HK1: variants seen among roughly 807,000 people sequenced by gnomAD.
HK1 encodes the protein hexokinase-1.
In HK1, 28 loss-of-function variants were observed where a neutral mutation model predicts 91.6. That is an observed-to-expected ratio of 0.31 (90% confidence interval 0.23 to 0.42). The LOEUF (loss-of-function observed/expected upper bound fraction) is 0.42, where lower values mean the gene tolerates loss of function less well. Ranked by LOEUF, HK1 falls within the 10% of genes least tolerant of loss-of-function variation. HK1 has a pLI of 1.00. For synonymous variants in HK1, 430 were observed against 468.1 expected, an observed-to-expected ratio of 0.92 and a Z score of 1.05; for missense variants, 770 against 1,219.8, an observed-to-expected ratio of 0.63 and a Z score of 5.49.
chr10:69,393,169 C>T (rs775833943), intron 15 of HK1, among the ~76,000 whole-genome samples: 20 of 151,722 alleles, frequency 1.3e-4, no homozygotes, highest in Non-Finnish European at 2.8e-4. Context: ...TTAGTAGAGA[C>T]GGGGTTTCTC....
At chr10:69,384,549 G>T in intron 11 of HK1, 68 bp downstream of exon 11, 1 of 1,601,826 alleles carries the variant, frequency 6.2e-7, no homozygotes, top group South Asian at 1.1e-5. Context: ...GTCACGTGAT[G>T]ACCAAAATCC....
At chr10:69,282,279 C>A (rs1286894016) in intron 1 of HK1, among the ~76,000 whole-genome samples, 1 of 152,154 alleles carries the variant, frequency 6.6e-6, no homozygotes, top group East Asian at 1.9e-4. Flanking sequence ...GTCCTCCTCA[C>A]CATTGTCACC....
At chr10:69,325,643 A>C (rs955969771) in intron 1 of HK1, among the ~76,000 whole-genome samples, 1 of 149,902 alleles carries the variant, frequency 6.7e-6, no homozygotes, top group Non-Finnish European at 1.5e-5. Flanking sequence ...CTTCTGCCTC[A>C]GTGCCCCCCC....
At chr10:69,278,954 A>T (rs1218727075) in intron 1 of HK1, among the ~76,000 whole-genome samples, 1 of 152,156 alleles carries the variant, frequency 6.6e-6, no homozygotes, top group African/African-American at 2.4e-5. Context: ...GAGTGTAGAG[A>T]AGCTGTGATT....
chr10:69,350,435 G>A (rs1848786542), intron 2 of HK1, among the ~76,000 whole-genome samples: 1 of 152,146 alleles, frequency 6.6e-6, no homozygotes, highest in Non-Finnish European at 1.5e-5. Flanking sequence ...GGCCGAGGTG[G>A]GCGGATCACA....
chr10:69,291,188 A>G (rs1221717896), intron 3 of HK1, among the ~76,000 whole-genome samples: 2 of 152,230 alleles, frequency 1.3e-5, no homozygotes, highest in Non-Finnish European at 2.9e-5. Context: ...GAGGTGGCAC[A>G]AAGCAGCCAG....
intron 13 of HK1, 30 bp downstream of exon 13, chr10:69,386,448 CTT>C (rs1421002121): frequency 6.5e-7 from 1 of 1,548,230 alleles, no homozygotes; most frequent in East Asian, 2.3e-5. Flanking sequence ...TTTTTAAAAT[CTT>C]TACTGTTTTA....
intron 2 of HK1, among the ~76,000 whole-genome samples, chr10:69,351,154 G>A (rs376854162): frequency 1.3e-5 from 2 of 149,646 alleles, no homozygotes; most frequent in African/African-American, 2.5e-5. Context: ...CAGCCTGGGC[G>A]ACAGAGCGAG....
intron 2 of HK1, chr10:69,288,625 C>A: frequency 1.1e-6 from 1 of 923,606 alleles, no homozygotes; most frequent in Non-Finnish European, 1.8e-6. Context: ...AAAATGAGAC[C>A]GACAATCCTC....
In HK1 at chr10:69,379,865, T is replaced by G; in HGVS notation, c.1035T>G (p.Asn345Lys). 6.2e-7 allele frequency: 1 copy of G among 1,609,912 alleles called. No homozygotes were observed. Among genetic ancestry groups the G allele is most frequent in the Non-Finnish European group, 8.5e-7 (1 of 1,176,176 alleles). ...NTSDVSAIEK[N>K]KEGLHNAKEI... ...GTATTGGCTTCTAACTTCACAGGAA[T>G]AAGGAAGGCCTCCACAATGCCAAAG... Residue 345 changes from asparagine (N) to lysine (K), a missense_variant, in exon 9 of 18, where the codon AAT (asparagine) becomes AAG (lysine). By Grantham distance (94) the Asn-to-Lys change is moderately conservative (BLOSUM62 0). Coordinates refer to ENST00000359426, the MANE Select transcript of HK1 (RefSeq NM_000188.3).
At chr10:69,319,157 G>A (rs928669213) in intron 1 of HK1, 147 bp downstream of exon 1, 19 of 947,648 alleles carry the variant, frequency 2.0e-5, no homozygotes, top group Non-Finnish European at 2.1e-5. Context: ...GAAAGCCTTC[G>A]CCTTCGATTC....
At chr10:69,367,511 G>C (rs150350567) in intron 4 of HK1, among the ~76,000 whole-genome samples, 269 of 152,312 alleles carry the variant, frequency 1.8e-3, no homozygotes, top group African/African-American at 6.2e-3. Flanking sequence ...AGGAGGAAGA[G>C]GGCTGCTTGA....
At position 69,298,923 on chromosome 10, in the gene HK1, A is replaced by G. The variant is rs151239636; in HGVS notation, c.-66-1846A>G. ...CTACTAGGCCACCAAATTTTAAAATAGTTCATCTTTATCTCTTTATTTATT... is the reference window on the plus strand; with the variant it reads ...CTACTAGGCCACCAAATTTTAAAATGGTTCATCTTTATCTCTTTATTTATT... On this transcript the variant is annotated intron_variant, in intron 4 of 21. Transcript: ENST00000360289. 2.1e-3 allele frequency among the ~76,000 whole-genome samples: 320 copies of G among 151,628 alleles called. 16 individuals carry two copies. The highest frequency in any genetic ancestry group is 7.2e-3 in the African/African-American group (296 of 40,972).
chr10:69,375,616 C>G (rs1839055973), intron 7 of HK1, among the ~76,000 whole-genome samples: 2 of 152,326 alleles, frequency 1.3e-5, no homozygotes, highest in South Asian at 2.1e-4. Context: ...GCATCCTTGG[C>G]TTCTGGGCGG....
intron 11 of HK1, 139 bp from the exon 12 acceptor site, chr10:69,384,657 T>C (rs1839546011): frequency 1.4e-6 from 2 of 1,430,986 alleles, no homozygotes; most frequent in South Asian, 2.3e-5. Context: ...GCTGAGAAGA[T>C]TCTGGAAAAG....
intron 1 of HK1, among the ~76,000 whole-genome samples, chr10:69,330,015 A>AC (rs71893748): frequency 6.7e-6 from 1 of 148,890 alleles, no homozygotes; most frequent in African/African-American, 2.6e-5. Flanking sequence ...TTAAAAGAGG[A>AC]CCCCCCAGGA....
At chr10:69,332,412 T>C (rs1230943971) in intron 1 of HK1, among the ~76,000 whole-genome samples, 1 of 151,958 alleles carries the variant, frequency 6.6e-6, no homozygotes, top group Non-Finnish European at 1.5e-5. Context: ...AGACTCTTGC[T>C]CTGTCATCCA....
intron 2 of HK1, among the ~76,000 whole-genome samples, chr10:69,283,104 A>G (rs1844833761): frequency 7.4e-6 from 1 of 135,348 alleles, no homozygotes. Context: ...AGCCTGGGTG[A>G]CAAGAGCGAA....
chr10:69,357,676 C>G (rs771810594), intron 2 of HK1, among the ~76,000 whole-genome samples: 12 of 152,114 alleles, frequency 7.9e-5, no homozygotes, highest in Admixed American at 3.3e-4. Flanking sequence ...TGGTCTCAAA[C>G]TCCTGAGCTC....
Sources: allele counts gnomAD v4.1 joint callset (sites outside exome capture counted in the v4.1 genomes callset), GRCh38; gene constraint gnomAD v4.1.1; transcripts MANE v1.5; gene names NCBI Gene and HGNC (gene_info 2026-07-23, HGNC 2026-07-21).